KCTD10: variants seen among roughly 807,000 people sequenced by gnomAD.
KCTD10 encodes BTB/POZ domain-containing adapter for CUL3-mediated RhoA degradation protein 3.
In KCTD10, 13 loss-of-function variants were observed where a neutral mutation model predicts 34.6. That is an observed-to-expected ratio of 0.38 (90% CI 0.24 to 0.60). The LOEUF (loss-of-function observed/expected upper bound fraction) is 0.60, where lower values mean the gene tolerates loss of function less well. KCTD10 is among the 20% of genes least tolerant of loss of function. KCTD10 has a pLI of 0.66. For missense variants in KCTD10, 256 were observed against 420.3 expected, an observed-to-expected ratio of 0.61 and a Z score of 3.42; for synonymous variants, 156 against 168.8, an observed-to-expected ratio of 0.92 and a Z score of 0.59.
chr12:109,467,905 C>T (rs552814900), intron 2 of KCTD10, among the ~76,000 whole-genome samples: 51 of 152,264 alleles, frequency 3.3e-4, no homozygotes, highest in African/African-American at 1.1e-3. Flanking sequence ...TGGCATCAGG[C>T]CACCAAGGCG....
chr12:109,472,994 C>A (rs1276454181), intron 1 of KCTD10, among the ~76,000 whole-genome samples: 1 of 151,882 alleles, frequency 6.6e-6, no homozygotes, highest in Non-Finnish European at 1.5e-5. Context: ...CCAGAAAGCC[C>A]CTCGGTGTCC....
At chr12:109,470,328 A>G in intron 1 of KCTD10, 1 of 985,590 alleles carries the variant, frequency 1.0e-6, no homozygotes, top group Non-Finnish European at 1.2e-6. Flanking sequence ...AGGACTAAAC[A>G]ACAGACATGG....
rs905051540 is a variant in KCTD10, at chr12:109,450,882, C to G, written c.*713G>C. ...CGCAGACATATGGGGTCCCAGTGAG[C>G]ACCAGGCCAAAGACCAGCCCAAGGT... On this transcript the variant is annotated 3_prime_UTR_variant, in exon 7 of 7. Coordinates refer to ENST00000228495, the MANE Select transcript of KCTD10 (RefSeq NM_031954.5). 6.5e-6 allele frequency: 1 copy of G among 152,978 alleles called. No individual in the cohort carries two copies. Among genetic ancestry groups the G allele is most frequent in the African/African-American group, 2.4e-5 (1 of 41,470 alleles). 9.5% of individuals were successfully genotyped at this position (152,978 alleles called of 1,614,324 possible). A position where few individuals can be genotyped will look rare whatever the true frequency, so the allele number is the denominator to read the frequency against.
intron 1 of KCTD10, chr12:109,470,398 A>G (rs1873827095): frequency 2.0e-6 from 2 of 985,414 alleles, no homozygotes; most frequent in African/African-American, 3.5e-5. Context: ...TGCCCAAAAG[A>G]GCAAGATCCC....
At position 109,477,300 on chromosome 12, in the gene KCTD10, T is replaced by G. The variant is rs933050508; in HGVS notation, c.-38A>C. ...GACGCAGGAGTCTCCAAACCCGGAC[T>G]GAGAGAGGCAGGAAACACCCAGCTC... On this transcript the variant is annotated 5_prime_UTR_variant, in exon 1 of 7. Coordinates refer to ENST00000228495, the MANE Select transcript of KCTD10 (RefSeq NM_031954.5). 6.2e-7 allele frequency: 1 copy of G among 1,613,332 alleles called. No individual in the cohort carries two copies. Among genetic ancestry groups the G allele is most frequent in the Non-Finnish European group, 8.5e-7 (1 of 1,179,742 alleles).
In KCTD10 at chr12:109,463,294, G is replaced by A. The variant is rs113659516; in HGVS notation, c.218-2489C>T. Among the ~76,000 whole-genome samples, 340 of 152,270 alleles carry A rather than the reference G, an allele frequency of 2.2e-3. 1 individual carries two copies. The highest frequency in any genetic ancestry group is 7.6e-3 in the African/African-American group (317 of 41,548). On this transcript the variant is annotated intron_variant, in intron 2 of 6. Transcript: ENST00000228495. ...CAGGCAGACCGTGACACTGGGCTCC[G>A]GCTCAAGAATGCCGTCAGGAAATGC...
At chr12:109,470,130 C>G (rs1873813739) in intron 1 of KCTD10, 1 of 1,017,928 alleles carries the variant, frequency 9.8e-7, no homozygotes, top group Non-Finnish European at 1.2e-6. Context: ...ACATGAACAC[C>G]CTGGCTGCAC....
At chr12:109,461,817 A>T (rs1014518786) in intron 2 of KCTD10, among the ~76,000 whole-genome samples, 16 of 152,222 alleles carry the variant, frequency 1.1e-4, no homozygotes, top group African/African-American at 1.9e-4. Context: ...GGGTGACCTC[A>T]GGCAAGGGGC....
At chr12:109,457,898 G>A (rs1873108478) in intron 4 of KCTD10, 94 bp downstream of exon 4, 16 of 1,165,510 alleles carry the variant, frequency 1.4e-5, no homozygotes, top group Admixed American at 8.6e-5. Context: ...CCTCACTCAG[G>A]CAATTATACA....
chr12:109,451,199 T>A lies in KCTD10; in HGVS notation c.*396A>T. Reference sequence around the variant, plus strand: ...AACTGCAGGACAACTCTCAGAATTGTCAAACTGAACCCTTAAGGGAGTGTC... The same window carrying A: ...AACTGCAGGACAACTCTCAGAATTGACAAACTGAACCCTTAAGGGAGTGTC... On this transcript the variant is annotated 3_prime_UTR_variant, in exon 7 of 7. Coordinates refer to ENST00000228495, the MANE Select transcript of KCTD10 (RefSeq NM_031954.5). This position sits in a 1 kb window ranked among gnomAD's most constrained non-coding sequence, Gnocchi z 5.0. 6.1e-6 allele frequency: 1 copy of A among 163,098 alleles called. No homozygotes were observed. The highest frequency in any genetic ancestry group is 2.8e-3 in the Middle Eastern group (1 of 356). 10.1% of individuals were successfully genotyped at this position (163,098 alleles called of 1,614,324 possible).
At chr12:109,473,197 A>G (rs1667498002) in intron 1 of KCTD10, among the ~76,000 whole-genome samples, 2 of 152,208 alleles carry the variant, frequency 1.3e-5, no homozygotes, top group African/African-American at 4.8e-5. Context: ...AGACCATCAC[A>G]CCTAGTAGAT....
At chr12:109,462,640 A>T (rs534943967) in intron 2 of KCTD10, among the ~76,000 whole-genome samples, 1 of 152,362 alleles carries the variant, frequency 6.6e-6, no homozygotes, top group South Asian at 2.1e-4. Flanking sequence ...CTGACAGGAC[A>T]GCATCTGCCC....
chr12:109,468,709 G>C (rs1873718735), intron 2 of KCTD10, among the ~76,000 whole-genome samples: 1 of 147,198 alleles, frequency 6.8e-6, no homozygotes, highest in South Asian at 2.1e-4. Context: ...CTGGAGTGCA[G>C]TGGCGCGATC....
At chr12:109,471,453 G>C (rs1249215237) in intron 1 of KCTD10, 6 of 977,550 alleles carry the variant, frequency 6.1e-6, no homozygotes, top group South Asian at 4.7e-5. Context: ...TTTTCATCAA[G>C]AAAAGTCACA....
At position 109,450,538 on chromosome 12, in the gene KCTD10, T is replaced by C; in HGVS notation, c.*1057A>G. Reference sequence around the variant, plus strand: ...AGGCAAAGACAAGGGGGTCTGTGTTTATAGCAGGGAAGCTCCCTGGGGCTG... The same window carrying C: ...AGGCAAAGACAAGGGGGTCTGTGTTCATAGCAGGGAAGCTCCCTGGGGCTG... On this transcript the variant is annotated 3_prime_UTR_variant, in exon 7 of 7. Transcript: ENST00000228495. 2 of 396,590 alleles carry C rather than the reference T, an allele frequency of 5.0e-6. No individual in the cohort carries two copies. Among genetic ancestry groups the C allele is most frequent in the Admixed American group, 8.8e-5 (2 of 22,684 alleles). The allele number at this position is 396,590 out of a possible 1,614,324, so 24.6% of individuals were successfully genotyped here. A position where few individuals can be genotyped will look rare whatever the true frequency, so the allele number is the denominator to read the frequency against.
At chr12:109,463,242 T>A (rs141810414) in intron 2 of KCTD10, among the ~76,000 whole-genome samples, 2 of 152,266 alleles carry the variant, frequency 1.3e-5, no homozygotes, top group African/African-American at 4.8e-5. Flanking sequence ...ATTATCCAAA[T>A]GACAGCCCAG....
rs1466745611 is a variant in KCTD10 at position 109,460,840 on chromosome 12, G to A, written c.218-35C>T. 6.2e-7 allele frequency: 1 copy of A among 1,605,052 alleles called. No homozygotes were observed. The highest frequency in any genetic ancestry group is 1.7e-5 in the Admixed American group (1 of 59,654). On this transcript the variant is annotated intron_variant, in intron 2 of 6. Coordinates refer to ENST00000228495, the MANE Select transcript of KCTD10 (RefSeq NM_031954.5). This position sits in a 1 kb window ranked among gnomAD's most constrained non-coding sequence, Gnocchi z 4.5. Reference sequence around the variant, plus strand: ...GAGGAGGCAGGGGCTGGTTACATGGGCCCTCCTCTTGTGGGAGGCCCTGAG... The same window carrying A: ...GAGGAGGCAGGGGCTGGTTACATGGACCCTCCTCTTGTGGGAGGCCCTGAG...
At chr12:109,470,803 T>C (rs906482144) in intron 1 of KCTD10, 5 of 172,774 alleles carry the variant, frequency 2.9e-5, no homozygotes, top group Non-Finnish European at 4.6e-5. Flanking sequence ...TCCTGGCTAA[T>C]AGGAGTTATA....
At chr12:109,464,729 C>T (rs538068162) in intron 2 of KCTD10, 81 of 420,346 alleles carry the variant, frequency 1.9e-4, no homozygotes, top group Non-Finnish European at 3.1e-4. Context: ...ACATGCTCAA[C>T]GTACCAGACA....
Sources: allele counts gnomAD v4.1 joint callset (sites outside exome capture counted in the v4.1 genomes callset), GRCh38; gene constraint gnomAD v4.1.1; non-coding constraint Gnocchi (gnomAD v3.1); transcripts MANE v1.5; gene names NCBI Gene and HGNC (gene_info 2026-07-23, HGNC 2026-07-21).